The following SMCO2 variants were observed in gnomAD, a reference collection of about 807,000 sequenced individuals.
SMCO2 encodes single-pass membrane and coiled-coil domain-containing protein 2.
Under a neutral mutation model 29.5 loss-of-function variants are expected in SMCO2, and 25 were observed. That is an observed-to-expected ratio of 0.85 (90% CI 0.62 to 1.18). The LOEUF is 1.18. Among genes scored for constraint, SMCO2 ranks in the 50% most tolerant of loss-of-function variants. SMCO2 has a pLI of 0.00. For missense variants in SMCO2, 348 were observed against 344.5 expected (o/e 1.01, Z -0.08); for synonymous variants, 117 against 123.3 (o/e 0.95, Z 0.34).
chr12:27,443,954 CAGAA>C, the SMCO2 span, among the ~76,000 whole-genome samples: 5 of 152,058 alleles, frequency 3.3e-5, no homozygotes, highest in Admixed American at 1.3e-4. Context: ...ACATTCTTCA[CAGAA>C]AGAGAGAAAA....
At chr12:27,444,912 A>G in the SMCO2 span, among the ~76,000 whole-genome samples, 1 of 152,258 alleles carries the variant, frequency 6.6e-6, no homozygotes, top group Admixed American at 6.5e-5. Context: ...CACTATTCAC[A>G]ATAGCCAAAA....
chr12:27,445,316 A>G, the SMCO2 span, among the ~76,000 whole-genome samples: 2 of 152,238 alleles, frequency 1.3e-5, no homozygotes, highest in African/African-American at 4.8e-5. Flanking sequence ...TTAAAAATAC[A>G]GGAACCCAGT....
chr12:27,460,879 G>A, the SMCO2 span, among the ~76,000 whole-genome samples: 1 of 152,286 alleles, frequency 6.6e-6, no homozygotes, highest in East Asian at 1.9e-4. Context: ...CAGAAACCAT[G>A]TCCTGACATC....
chr12:27,461,162 C>A, the SMCO2 span, among the ~76,000 whole-genome samples: 1 of 152,234 alleles, frequency 6.6e-6, no homozygotes. Flanking sequence ...ACTTCTAATA[C>A]CTAAGACAAT....
the SMCO2 span, among the ~76,000 whole-genome samples, chr12:27,444,789 C>T: frequency 2.0e-5 from 3 of 152,124 alleles, no homozygotes. Flanking sequence ...GGCTGCTCAA[C>T]ACACTAAAGA....
intron 3 of SMCO2, among the ~76,000 whole-genome samples, chr12:27,473,557 C>A (rs557702389): frequency 6.6e-6 from 1 of 152,284 alleles, no homozygotes; most frequent in East Asian, 1.9e-4. Context: ...CATAGGCATT[C>A]CTTGTTTGGG....
intron 7 of SMCO2, chr12:27,498,417 G>T: frequency 4.6e-6 from 1 of 215,722 alleles, no homozygotes. Flanking sequence ...CTATATATGA[G>T]CTGGCAGCTA....
At chr12:27,447,376 T>C in the SMCO2 span, among the ~76,000 whole-genome samples, 1 of 152,082 alleles carries the variant, frequency 6.6e-6, no homozygotes, top group Non-Finnish European at 1.5e-5. Context: ...CCTCTCTACC[T>C]GGCTAACCCT....
chr12:27,472,935 A>G, intron 3 of SMCO2, 60 bp downstream of exon 3: 1 of 1,216,684 alleles, frequency 8.2e-7, no homozygotes, highest in Non-Finnish European at 1.2e-6. Context: ...TGAAGAGAAG[A>G]ACTTCACGCC....
intron 1 of SMCO2, among the ~76,000 whole-genome samples, chr12:27,467,734 C>A (rs1949508931): frequency 6.6e-6 from 1 of 152,002 alleles, no homozygotes; most frequent in Non-Finnish European, 1.5e-5. Flanking sequence ...CTGATTCTAC[C>A]ATTTTCTAGC....
In SMCO2 at chr12:27,470,770, G is replaced by A; in HGVS notation, c.134+5G>A. On this transcript the variant is annotated splice_donor_5th_base_variant and intron_variant, in intron 2 of 7. Coordinates refer to ENST00000298876, the Ensembl canonical transcript of SMCO2. Reference sequence around the variant, plus strand: ...GACTGAAGGTGCAATGCAGGAGTAAGTCAGAACTGAGCTTGCAGAAGCAGT... The same window carrying A: ...GACTGAAGGTGCAATGCAGGAGTAAATCAGAACTGAGCTTGCAGAAGCAGT... 1 of 1,550,074 alleles carries A rather than the reference G, an allele frequency of 6.5e-7. No homozygotes were observed. Among genetic ancestry groups the A allele is most frequent in the Non-Finnish European group, 8.7e-7 (1 of 1,146,294 alleles).
chr12:27,474,227 A>C (rs374484), intron 3 of SMCO2, among the ~76,000 whole-genome samples: 18,306 of 152,146 alleles, frequency 0.12, 2,128 homozygotes, highest in African/African-American at 0.28. Flanking sequence ...AAGCGTCTCT[A>C]AAAATAAAAC....
intron 4 of SMCO2, among the ~76,000 whole-genome samples, chr12:27,477,631 A>ATCCTTTTTTTTTTTTTT (rs1484377460): frequency 1.2e-5 from 1 of 81,110 alleles, no homozygotes; most frequent in African/African-American, 7.2e-5. Flanking sequence ...ATTCTTTTTC[A>ATCCTTTTTTTTTTTTTT]TTCTTTTTTT....
At chr12:27,452,047 C>T in the SMCO2 span, among the ~76,000 whole-genome samples, 1 of 152,166 alleles carries the variant, frequency 6.6e-6, no homozygotes, top group Admixed American at 6.5e-5. Context: ...GCTGATAGGA[C>T]ACTGTTCCAA....
At chr12:27,501,682 C>T (rs1943080728) in intron 7 of SMCO2, among the ~76,000 whole-genome samples, 1 of 150,428 alleles carries the variant, frequency 6.6e-6, no homozygotes, top group East Asian at 1.9e-4. Flanking sequence ...GAAAGAACCC[C>T]ACACTATCCA....
At chr12:27,442,258 G>T in the SMCO2 span, among the ~76,000 whole-genome samples, 1 of 152,092 alleles carries the variant, frequency 6.6e-6, no homozygotes. Context: ...GAAATGAAAA[G>T]TTGGCTTTTT....
upstream of SMCO2, among the ~76,000 whole-genome samples, chr12:27,462,004 CT>C (rs1565671205): frequency 6.6e-6 from 1 of 152,340 alleles, no homozygotes; most frequent in Admixed American, 6.5e-5. Context: ...TTATCTTTAT[CT>C]AAACTGAAGT....
chr12:27,450,758 C>T, the SMCO2 span, among the ~76,000 whole-genome samples: 1 of 152,168 alleles, frequency 6.6e-6, no homozygotes, highest in Non-Finnish European at 1.5e-5. Context: ...GAATATTTGC[C>T]TGTCTCATAA....
At chr12:27,481,078 A>G (rs922356434) in intron 4 of SMCO2, among the ~76,000 whole-genome samples, 5 of 152,120 alleles carry the variant, frequency 3.3e-5, no homozygotes, top group South Asian at 2.1e-4. Flanking sequence ...TTCAGTTGGC[A>G]TGGTGATACT....
Sources: gnomAD v4.1 joint callset for allele counts (sites outside exome capture counted in the v4.1 genomes callset) on GRCh38, gnomAD v4.1.1 for gene constraint, MANE v1.5 for transcripts, NCBI Gene and HGNC (gene_info 2026-07-23, HGNC 2026-07-21) for gene names.